MTHFD1L: variants seen among roughly 807,000 people sequenced by gnomAD.
The protein encoded by MTHFD1L is monofunctional C1-tetrahydrofolate synthase, mitochondrial.
Under a neutral mutation model 119.5 loss-of-function variants are expected in MTHFD1L, and 81 were observed. That is an observed-to-expected ratio of 0.68 (90% confidence interval 0.57 to 0.82). The LOEUF (loss-of-function observed/expected upper bound fraction) is 0.82, where lower values mean the gene tolerates loss of function less well. Ranked by LOEUF, MTHFD1L falls within the 40% of genes least tolerant of loss-of-function variation. MTHFD1L has a pLI of 0.00. For missense variants in MTHFD1L, 1,125 were observed against 1,253.4 expected, an observed-to-expected ratio of 0.90 and a Z score of 1.55; for synonymous variants, 430 against 475.2, an observed-to-expected ratio of 0.90 and a Z score of 1.24.
intron 7 of MTHFD1L, among the ~76,000 whole-genome samples, chr6:150,902,252 A>G (rs1655528498): frequency 1.3e-5 from 2 of 152,122 alleles, no homozygotes; most frequent in Non-Finnish European, 2.9e-5. Context: ...TGACTTTGAG[A>G]AAATTCGTCT....
At chr6:150,925,033 C>T (rs34314419) in intron 10 of MTHFD1L, among the ~76,000 whole-genome samples, 10,431 of 151,952 alleles carry the variant, frequency 0.069, 561 homozygotes, top group East Asian at 0.18. Context: ...CGGGTCAGGC[C>T]CCTACAGGAT....
At chr6:150,982,151 GAGAA>G (rs973567994) in intron 20 of MTHFD1L, among the ~76,000 whole-genome samples, 6 of 151,052 alleles carry the variant, frequency 4.0e-5, no homozygotes, top group Non-Finnish European at 7.4e-5. Flanking sequence ...CTTTTTAAAA[GAGAA>G]AGAAAGAAAA....
intron 27 of MTHFD1L, among the ~76,000 whole-genome samples, chr6:151,093,195 G>A (rs1794603265): frequency 6.6e-6 from 1 of 152,106 alleles, no homozygotes; most frequent in South Asian, 2.1e-4. Flanking sequence ...ATCCAGTGGT[G>A]GCTGTCACTC....
chr6:150,922,352 A>T (rs775777193), intron 10 of MTHFD1L, 50 bp downstream of exon 10: 1 of 1,446,748 alleles, frequency 6.9e-7, no homozygotes, highest in South Asian at 1.2e-5. Context: ...ACAGTGCCTT[A>T]GCCCTAGTTA....
intron 4 of MTHFD1L, among the ~76,000 whole-genome samples, chr6:150,881,564 A>C (rs1424278121): frequency 1.3e-5 from 2 of 152,110 alleles, no homozygotes; most frequent in African/African-American, 4.8e-5. Flanking sequence ...TCCTCGCTTC[A>C]TTCTGGTCTC....
At chr6:150,900,218 A>G (rs1784898445) in intron 7 of MTHFD1L, among the ~76,000 whole-genome samples, 1 of 151,742 alleles carries the variant, frequency 6.6e-6, no homozygotes, top group African/African-American at 2.4e-5. Context: ...GGTAGTTCCT[A>G]ATTGCCAAAA....
intron 7 of MTHFD1L, among the ~76,000 whole-genome samples, chr6:150,888,939 C>G (rs759810696): frequency 1.3e-5 from 2 of 152,214 alleles, no homozygotes; most frequent in Non-Finnish European, 2.9e-5. Context: ...CTCTGGGAGG[C>G]TGAGGCGGGC....
chr6:150,953,142 A>G (rs972378617), intron 16 of MTHFD1L, among the ~76,000 whole-genome samples: 2 of 151,992 alleles, frequency 1.3e-5, no homozygotes, highest in Non-Finnish European at 2.9e-5. Context: ...TGCCCCAACA[A>G]CACTCTAGGG....
chr6:150,923,973 A>G (rs1789499127), intron 10 of MTHFD1L, among the ~76,000 whole-genome samples: 1 of 152,242 alleles, frequency 6.6e-6, no homozygotes, highest in African/African-American at 2.4e-5. Flanking sequence ...AAGTAAATCA[A>G]TAATTTCTAC....
chr6:151,045,915 T>A (rs1787938420), intron 26 of MTHFD1L, among the ~76,000 whole-genome samples: 1 of 152,148 alleles, frequency 6.6e-6, no homozygotes, highest in African/African-American at 2.4e-5. Flanking sequence ...GAAGGAGTCA[T>A]CCCTGTCTCC....
At chr6:150,978,682 A>G (rs185408061) in intron 20 of MTHFD1L, among the ~76,000 whole-genome samples, 2 of 152,328 alleles carry the variant, frequency 1.3e-5, no homozygotes, top group African/African-American at 4.8e-5. Flanking sequence ...ATTCCTGAGC[A>G]TTAGACCGGT....
chr6:151,100,698 A>G (rs1228559800), intron 27 of MTHFD1L, among the ~76,000 whole-genome samples: 1 of 151,736 alleles, frequency 6.6e-6, no homozygotes, highest in African/African-American at 2.4e-5. Flanking sequence ...ACAGGATTCA[A>G]GAATGGCAAT....
intron 24 of MTHFD1L, among the ~76,000 whole-genome samples, chr6:151,034,023 G>GA (rs61123626): frequency 2.6e-5 from 4 of 151,626 alleles, no homozygotes; most frequent in African/African-American, 9.7e-5. Flanking sequence ...AAAAAATGCA[G>GA]AAAAAAAATT....
At chr6:150,977,427 T>C (rs537928609) in intron 20 of MTHFD1L, among the ~76,000 whole-genome samples, 4 of 152,352 alleles carry the variant, frequency 2.6e-5, no homozygotes, top group South Asian at 2.1e-4. Context: ...CAAAAACTGC[T>C]GTGATCACTG....
At chr6:150,944,639 A>G (rs749223900) in intron 14 of MTHFD1L, 46 bp downstream of exon 14, 7 of 1,384,032 alleles carry the variant, frequency 5.1e-6, no homozygotes, top group Non-Finnish European at 6.1e-6. Context: ...GTATCCTGGA[A>G]TTCCTGGATT....
At chr6:150,969,726 T>C (rs1328134717) in intron 19 of MTHFD1L, among the ~76,000 whole-genome samples, 1 of 152,162 alleles carries the variant, frequency 6.6e-6, no homozygotes, top group Non-Finnish European at 1.5e-5. Flanking sequence ...CATGCATTTG[T>C]AGGAAGCAAA....
Position 151,082,600 on chromosome 6 carries a change from T to A in MTHFD1L, c.2848-9867T>A, listed in dbSNP as rs562179267. ...AAGATTTTTTTTTTGGTTTAAGCTATCTTTTCCTATTTCTATCTTAAATAA... is the reference window on the plus strand; with the variant it reads ...AAGATTTTTTTTTTGGTTTAAGCTAACTTTTCCTATTTCTATCTTAAATAA... On this transcript the variant is annotated intron_variant, in intron 26 of 27. Coordinates refer to ENST00000367321, the MANE Select transcript of MTHFD1L (RefSeq NM_015440.5). 2.6e-5 allele frequency among the ~76,000 whole-genome samples: 4 copies of A among 152,250 alleles called. No homozygotes were observed. The South Asian group carries it at 8.3e-4, about 32-fold the overall frequency.
intron 11 of MTHFD1L, chr6:150,935,227 G>A: frequency 1.9e-6 from 3 of 1,611,916 alleles, no homozygotes; most frequent in African/African-American, 2.7e-5. Context: ...CACTGTGGAA[G>A]TCATATACCA....
intron 2 of MTHFD1L, 41 bp downstream of exon 2, chr6:150,876,215 C>A (rs746115821): frequency 2.8e-6 from 4 of 1,415,888 alleles, no homozygotes; most frequent in South Asian, 2.8e-5. Flanking sequence ...TTTTAGGATG[C>A]CTTTCAATTT....
Sources: gnomAD v4.1 joint callset for allele counts (sites outside exome capture counted in the v4.1 genomes callset) on GRCh38, gnomAD v4.1.1 for gene constraint, MANE v1.5 for transcripts, NCBI Gene and HGNC (gene_info 2026-07-23, HGNC 2026-07-21) for gene names.